Variants in WDR27 observed in about 807,000 individuals in gnomAD.
WDR27 encodes WD repeat domain 27, also known as WD repeat-containing protein 27.
Under a neutral mutation model 114.4 loss-of-function variants are expected in WDR27, and 100 were observed. The observed-to-expected ratio is 0.87, with a 90% CI of 0.74 to 1.03. WDR27 has a LOEUF of 1.03. Ranked by LOEUF, WDR27 falls within the 50% of genes least tolerant of loss-of-function variation. WDR27 has a pLI of 0.00. For synonymous variants in WDR27, 449 were observed against 423.1 expected (o/e 1.06, Z -0.75); for missense variants, 1,129 against 1,092.9 (o/e 1.03, Z -0.47).
intron 25 of WDR27, among the ~76,000 whole-genome samples, chr6:169,539,071 G>A (rs1171990189): frequency 6.6e-6 from 1 of 152,124 alleles, no homozygotes; most frequent in Non-Finnish European, 1.5e-5. Context: ...AATAGCTTAG[G>A]GTGTAATTCA....
intron 25 of WDR27, among the ~76,000 whole-genome samples, chr6:169,498,798 A>C (rs1790723049): frequency 6.6e-6 from 1 of 152,200 alleles, no homozygotes; most frequent in South Asian, 2.1e-4. Flanking sequence ...GAGAACAGAT[A>C]GCAGTTGCCA....
chr6:169,590,886 G>C (rs1805619584), intron 23 of WDR27, among the ~76,000 whole-genome samples: 1 of 152,174 alleles, frequency 6.6e-6, no homozygotes, highest in South Asian at 2.1e-4. Context: ...CCATTCCCCT[G>C]AGACGGACAT....
At chr6:169,570,211 TG>T (rs1247280030) in intron 25 of WDR27, among the ~76,000 whole-genome samples, 1 of 152,122 alleles carries the variant, frequency 6.6e-6, no homozygotes, top group East Asian at 1.9e-4. Flanking sequence ...AGCATGGGGT[TG>T]GGGGGTGGTT....
rs74982408 is a variant in WDR27, at chr6:169,628,268, C to T, written c.2223+4679G>A. Among the ~76,000 whole-genome samples, 642 of 152,318 alleles carry T rather than the reference C, an allele frequency of 4.2e-3. 3 individuals are homozygous for T. The highest frequency in any genetic ancestry group is 0.014 in the African/African-American group (586 of 41,562). ...CTGATCTGCCAGTGCCTTGATCTCA[C>T]ACTTGCCAGCCTCCAGAACTGTGAG... On this transcript the variant is annotated intron_variant, in intron 21 of 25. Transcript: ENST00000448612.
chr6:169,671,128 A>T (rs774936309), intron 3 of WDR27: 123 of 156,732 alleles, frequency 7.8e-4, no homozygotes, highest in Non-Finnish European at 1.5e-3. Context: ...GGACACCCAC[A>T]AGCAGCCAGG....
chr6:169,657,394 G>A (rs1824521490), intron 13 of WDR27, among the ~76,000 whole-genome samples: 1 of 152,228 alleles, frequency 6.6e-6, no homozygotes, highest in African/African-American at 2.4e-5. Flanking sequence ...ACTGACGCAG[G>A]AACCCTAGCC....
intron 24 of WDR27, among the ~76,000 whole-genome samples, chr6:169,579,020 G>A (rs1039619990): frequency 2.6e-5 from 4 of 152,098 alleles, no homozygotes; most frequent in Admixed American, 1.3e-4. Context: ...TGGCTGAGCC[G>A]ATTTCCATGA....
intron 25 of WDR27, among the ~76,000 whole-genome samples, chr6:169,565,908 T>G (rs1800390246): frequency 6.6e-6 from 1 of 152,132 alleles, no homozygotes; most frequent in South Asian, 2.1e-4. Flanking sequence ...CTTCCCAAAG[T>G]GTTGGGATTA....
rs181901871 is a variant in WDR27, at chr6:169,484,684, T to A, written c.2646-27050A>T. On this transcript the variant is annotated intron_variant, in intron 25 of 25. Coordinates refer to ENST00000448612, the MANE Select transcript of WDR27 (RefSeq NM_182552.5). Reference sequence around the variant, plus strand: ...TGGAAAAAAACTATTTTAAAATTCATATGGAACCAAAAAAGAGCCTGAATA... The same window carrying A: ...TGGAAAAAAACTATTTTAAAATTCAAATGGAACCAAAAAAGAGCCTGAATA... Among the ~76,000 whole-genome samples the A allele has an allele frequency of 2.0e-5, 3 of 152,278 alleles. No individual in the cohort carries two copies. In the East Asian group the frequency reaches 5.8e-4, roughly 29 times the overall value.
chr6:169,547,661 C>T (rs562360509), intron 25 of WDR27, among the ~76,000 whole-genome samples: 73 of 152,234 alleles, frequency 4.8e-4, no homozygotes, highest in African/African-American at 1.7e-3. Flanking sequence ...TCTTCAACTT[C>T]ATAAAGAATA....
At chr6:169,601,509 C>T (rs566455391) in intron 23 of WDR27, among the ~76,000 whole-genome samples, 32 of 152,246 alleles carry the variant, frequency 2.1e-4, no homozygotes, top group African/African-American at 7.0e-4. Context: ...CAGAATGCTA[C>T]AGATAGAATG....
chr6:169,665,288 G>A (rs985032705), intron 7 of WDR27, 198 bp downstream of exon 7: 49 of 1,343,438 alleles, frequency 3.6e-5, no homozygotes, highest in African/African-American at 3.1e-4. Context: ...CAGCTCCTCC[G>A]CAGACCAGGG....
intron 21 of WDR27, among the ~76,000 whole-genome samples, chr6:169,622,604 G>C: frequency 6.6e-6 from 1 of 152,150 alleles, no homozygotes; most frequent in East Asian, 1.9e-4. Context: ...AAGAGATGAA[G>C]AAATGACTGA....
At chr6:169,661,399 A>G (rs571161339) in intron 9 of WDR27, among the ~76,000 whole-genome samples, 4 of 152,278 alleles carry the variant, frequency 2.6e-5, no homozygotes, top group East Asian at 1.9e-4. Flanking sequence ...GTCTGTTAAT[A>G]CACTGAGAAG....
rs1820376819 is a variant in WDR27 at position 169,645,279 on chromosome 6, A to G, written c.1658-1493T>C. ...AGTTCGTATGAGTCTCACTGTAGAAAAGCCTAGTTCACCGGGTCATACTGT... is the reference window on the plus strand; with the variant it reads ...AGTTCGTATGAGTCTCACTGTAGAAGAGCCTAGTTCACCGGGTCATACTGT... On this transcript the variant is annotated intron_variant, in intron 16 of 25. Coordinates refer to ENST00000448612, the MANE Select transcript of WDR27 (RefSeq NM_182552.5). Among the ~76,000 whole-genome samples, 3 of 151,834 alleles carry G rather than the reference A, an allele frequency of 2.0e-5. No homozygotes were observed. In the South Asian group the frequency reaches 6.3e-4, roughly 32 times the overall value.
At chr6:169,633,224 G>A (rs1361453797) in intron 20 of WDR27, among the ~76,000 whole-genome samples, 156 bp from the exon 21 acceptor site, 1 of 152,232 alleles carries the variant, frequency 6.6e-6, no homozygotes, top group Admixed American at 6.5e-5. Context: ...AAAGTCCTGA[G>A]TCCAGTCCAG....
rs1368018765 is a variant in WDR27, at chr6:169,647,838, G to C, written c.1592C>G (p.Thr531Ser). 2 of 1,580,380 alleles carry C rather than the reference G, an allele frequency of 1.3e-6. No individual in the cohort carries two copies. The highest frequency in any genetic ancestry group is 1.7e-4 in the Middle Eastern group (1 of 6,018). The change falls in exon 16 of 26, where the codon ACC (threonine) becomes AGC (serine). Residue 531 changes from threonine to serine, a missense_variant. Coordinates refer to ENST00000448612, the MANE Select transcript of WDR27 (RefSeq NM_182552.5). ...EAYPVECAVP[T>S]KPGPQVAAAP... ...GGCAGCGACCTGGGGGCCGGGCTTGGTGGGCACAGCGCACTCCACGGGGTA... is the reference window on the plus strand; with the variant it reads ...GGCAGCGACCTGGGGGCCGGGCTTGCTGGGCACAGCGCACTCCACGGGGTA...
At chr6:169,694,078 G>A (rs1585213869) in intron 1 of WDR27, among the ~76,000 whole-genome samples, 1 of 152,182 alleles carries the variant, frequency 6.6e-6, no homozygotes, top group Non-Finnish European at 1.5e-5. Context: ...GGGAGGCCGA[G>A]GTGGGCAGAT....
the WDR27 span, among the ~76,000 whole-genome samples, chr6:169,439,831 A>G: frequency 6.7e-6 from 1 of 149,864 alleles, no homozygotes; most frequent in Non-Finnish European, 1.5e-5. Flanking sequence ...GGTTTTTAAT[A>G]GGATGCAATT....
Sources: allele counts gnomAD v4.1 joint callset (sites outside exome capture counted in the v4.1 genomes callset), GRCh38; gene constraint gnomAD v4.1.1; transcripts MANE v1.5; gene names NCBI Gene and HGNC (gene_info 2026-07-23, HGNC 2026-07-21).